Variants in CNIH3 observed in about 807,000 individuals in gnomAD.
CNIH3 encodes protein cornichon homolog 3.
Under a neutral mutation model 24.1 loss-of-function variants are expected in CNIH3, and 14 were observed. That is an observed-to-expected ratio of 0.58 (90% CI 0.38 to 0.91). CNIH3 has a LOEUF of 0.91. Among genes scored for constraint, CNIH3 ranks in the 40% least tolerant of loss-of-function variants. CNIH3 has a pLI of 0.00. For missense variants in CNIH3, 178 were observed against 196.8 expected (o/e 0.90, Z 0.57); for synonymous variants, 68 against 73.8 (o/e 0.92, Z 0.40).
chr1:224,712,036 C>T (rs760830309), intron 3 of CNIH3, among the ~76,000 whole-genome samples: 1 of 152,146 alleles, frequency 6.6e-6, no homozygotes, highest in Non-Finnish European at 1.5e-5. Context: ...GGCTATTGCC[C>T]TGGTTCTCAC....
intron 1 of CNIH3, among the ~76,000 whole-genome samples, chr1:224,484,615 T>C (rs1033746122): frequency 6.6e-6 from 1 of 152,144 alleles, no homozygotes; most frequent in African/African-American, 2.4e-5. Context: ...TCAAATATTT[T>C]TATGTCCCCA....
intron 3 of CNIH3, chr1:224,719,243 A>G (rs1295221673): frequency 6.6e-6 from 1 of 152,262 alleles, no homozygotes; most frequent in Non-Finnish European, 1.5e-5. Context: ...CTACACCTGC[A>G]CAGCACTGAC....
chr1:224,656,545 C>T (rs927275426), intron 1 of CNIH3, among the ~76,000 whole-genome samples: 13 of 152,128 alleles, frequency 8.5e-5, no homozygotes, highest in East Asian at 3.9e-4. Context: ...GGGCGGCGGG[C>T]GGCGGGGGGG....
intron 1 of CNIH3, among the ~76,000 whole-genome samples, chr1:224,648,787 G>A (rs1293894991): frequency 2.0e-5 from 3 of 152,182 alleles, no homozygotes; most frequent in Admixed American, 1.3e-4. Context: ...GCAAGATCTA[G>A]TCTGCAGTCA....
At chr1:224,594,985 T>C (rs1346643892) in intron 3 of CNIH3, among the ~76,000 whole-genome samples, 1 of 152,258 alleles carries the variant, frequency 6.6e-6, no homozygotes, top group East Asian at 1.9e-4. Flanking sequence ...GAACCTTGTG[T>C]TGAGCAAGTC....
intron 1 of CNIH3, among the ~76,000 whole-genome samples, chr1:224,486,614 T>C (rs888718263): frequency 6.6e-6 from 1 of 152,238 alleles, no homozygotes; most frequent in Non-Finnish European, 1.5e-5. Flanking sequence ...GCTCTTTCTA[T>C]ATCAACTATG....
intron 3 of CNIH3, chr1:224,719,160 C>G (rs1688585371): frequency 6.6e-6 from 1 of 152,216 alleles, no homozygotes; most frequent in African/African-American, 2.4e-5. Flanking sequence ...TGTGCCGGCC[C>G]CTGTGCTGAT....
At chr1:224,556,680 C>T (rs1047551489) in intron 3 of CNIH3, among the ~76,000 whole-genome samples, 17 of 152,194 alleles carry the variant, frequency 1.1e-4, no homozygotes, top group African/African-American at 1.9e-4. Context: ...AAAGGATTCA[C>T]GCTCCTGTGA....
intron 1 of CNIH3, among the ~76,000 whole-genome samples, chr1:224,624,897 A>G (rs1683444579): frequency 6.6e-6 from 1 of 152,164 alleles, no homozygotes; most frequent in Non-Finnish European, 1.5e-5. Flanking sequence ...TCTCCCTGGA[A>G]TGCTGTTCCC....
intron 1 of CNIH3, among the ~76,000 whole-genome samples, chr1:224,494,359 G>C (rs1319599439): frequency 1.3e-5 from 2 of 152,126 alleles, no homozygotes; most frequent in African/African-American, 4.8e-5. Context: ...ATTTATCCCT[G>C]TGTCCTTCTA....
rs192539224 is a variant in CNIH3, at chr1:224,597,923, C to T, written n.402+31659C>T. On this transcript the variant is annotated intron_variant and non_coding_transcript_variant, in intron 3 of 7. Coordinates refer to the CNIH3 transcript ENST00000478120. Reference sequence around the variant, plus strand: ...AGCCCTCAACCTGTGGGATCTGATGCTATATCCAGGTACACAGTGTCAGAA... The same window carrying T: ...AGCCCTCAACCTGTGGGATCTGATGTTATATCCAGGTACACAGTGTCAGAA... 5.3e-5 allele frequency among the ~76,000 whole-genome samples: 8 copies of T among 152,254 alleles called. No homozygotes were observed. In the East Asian group the frequency reaches 1.5e-3, roughly 29 times the overall value.
intron 1 of CNIH3, among the ~76,000 whole-genome samples, chr1:224,471,556 T>C (rs7533532): frequency 0.83 from 126,627 of 151,906 alleles, 53,146 homozygotes; most frequent in East Asian, 0.97. Context: ...CCTCCAGTTC[T>C]GTTCATGTTG....
intron 2 of CNIH3, among the ~76,000 whole-genome samples, chr1:224,536,368 C>A (rs577331326): frequency 6.7e-6 from 1 of 148,150 alleles, no homozygotes; most frequent in East Asian, 2.0e-4. Flanking sequence ...CTCAGCTCAC[C>A]GTAACCTCTG....
At chr1:224,690,768 G>C (rs1686890594) in intron 3 of CNIH3, among the ~76,000 whole-genome samples, 1 of 152,194 alleles carries the variant, frequency 6.6e-6, no homozygotes, top group South Asian at 2.1e-4. Context: ...GAGGAGAAGG[G>C]TGTGTGGGTA....
At chr1:224,681,551 G>A (rs1032756449) in intron 2 of CNIH3, among the ~76,000 whole-genome samples, 1 of 152,176 alleles carries the variant, frequency 6.6e-6, no homozygotes, top group Non-Finnish European at 1.5e-5. Flanking sequence ...CAGTCTGATT[G>A]TCCTGGTCTG....
At chr1:224,574,550 G>A (rs1344991542) in intron 4 of CNIH3, 9 of 748,180 alleles carry the variant, frequency 1.2e-5, no homozygotes, top group Middle Eastern at 4.6e-4. Flanking sequence ...TTAATGTTGG[G>A]TACTGCCACA....
rs1683573618 is a variant in CNIH3, at chr1:224,627,115, G to C, written c.81+9860G>C. On this transcript the variant is annotated intron_variant, in intron 1 of 5. Transcript: ENST00000272133. ...GGACTTAGGAGGACATGGTGGACAC[G>C]TGTTGAGCGCATGACTGATGGTGGC... 2.0e-5 allele frequency among the ~76,000 whole-genome samples: 3 copies of C among 152,300 alleles called. No homozygotes were observed. The South Asian group carries it at 6.2e-4, about 32-fold the overall frequency.
intron 3 of CNIH3, among the ~76,000 whole-genome samples, chr1:224,553,165 A>C (rs1479411556): frequency 6.7e-6 from 1 of 149,830 alleles, no homozygotes; most frequent in Admixed American, 6.6e-5. Flanking sequence ...GTAATATATC[A>C]TCTCCCTTAG....
chr1:224,569,129 A>C (rs774142290), intron 4 of CNIH3, among the ~76,000 whole-genome samples: 10 of 152,108 alleles, frequency 6.6e-5, no homozygotes, highest in Non-Finnish European at 1.3e-4. Context: ...CGGCCTCCCA[A>C]AGTGGTGGGA....
Sources: gnomAD v4.1 joint callset for allele counts (sites outside exome capture counted in the v4.1 genomes callset) on GRCh38, gnomAD v4.1.1 for gene constraint, MANE v1.5 for transcripts, NCBI Gene and HGNC (gene_info 2026-07-23, HGNC 2026-07-21) for gene names.